MACF1: variants seen among roughly 807,000 people sequenced by gnomAD.
The protein encoded by MACF1 is microtubule actin crosslinking factor 1.
MACF1 carries 193 observed loss-of-function variants against 854.8 expected under a neutral mutation model. The ratio of observed to expected loss-of-function variants is 0.23; its 90% CI spans 0.20 to 0.25. MACF1 has a LOEUF of 0.25. Ranked by LOEUF, MACF1 falls within the 10% of genes least tolerant of loss-of-function variation. The probability of loss-of-function intolerance (pLI) is 1.00; values close to 1 mark genes in which losing one functional copy is unlikely to be tolerated. For synonymous variants in MACF1, 3,185 were observed against 3,226.7 expected (o/e 0.99, Z 0.44); for missense variants, 7,722 against 8,929.1 (o/e 0.86, Z 5.45).
intron 95 of MACF1, among the ~76,000 whole-genome samples, chr1:39,465,331 G>A (rs1644643579): frequency 6.6e-6 from 1 of 152,192 alleles, no homozygotes; most frequent in South Asian, 2.1e-4. Context: ...AGATGAAATG[G>A]AGGAAAGTGA....
At chr1:39,456,630 C>T in intron 89 of MACF1, 1 of 152,328 alleles carries the variant, frequency 6.6e-6, no homozygotes. Flanking sequence ...TCTTCCTATT[C>T]AGTTCTTCTC....
chr1:39,296,772 AAAAG>A (rs759746603), intron 20 of MACF1, among the ~76,000 whole-genome samples: 25 of 58,234 alleles, frequency 4.3e-4, no homozygotes, highest in African/African-American at 1.5e-3. Context: ...GGAAGGAAGG[AAAAG>A]AAAGAAAGAA....
intron 43 of MACF1, among the ~76,000 whole-genome samples, chr1:39,351,256 C>G (rs991876141): frequency 6.6e-6 from 1 of 152,102 alleles, no homozygotes; most frequent in East Asian, 1.9e-4. Context: ...AAGTGATTCT[C>G]CTGCCTCAGC....
intron 2 of MACF1, among the ~76,000 whole-genome samples, chr1:39,137,097 G>A (rs1453749633): frequency 6.6e-6 from 1 of 151,940 alleles, no homozygotes; most frequent in Non-Finnish European, 1.5e-5. Context: ...TTGAGACAGA[G>A]CCCCCTCTGT....
intron 71 of MACF1, among the ~76,000 whole-genome samples, chr1:39,438,446 C>T (rs1644027679): frequency 6.6e-6 from 1 of 152,144 alleles, no homozygotes. Flanking sequence ...TTCTGTGATC[C>T]CTGTATGTGG....
chr1:39,224,717 C>T (rs1403977635), intron 1 of MACF1, among the ~76,000 whole-genome samples: 1 of 152,016 alleles, frequency 6.6e-6, no homozygotes, highest in African/African-American at 2.4e-5. Flanking sequence ...GATTAAGTTT[C>T]CTATGGAGAA....
At chr1:39,227,300 C>G (rs1291849728) in intron 1 of MACF1, among the ~76,000 whole-genome samples, 1 of 152,076 alleles carries the variant, frequency 6.6e-6, no homozygotes, top group Non-Finnish European at 1.5e-5. Context: ...TACCAATCTT[C>G]TAATCATACT....
At chr1:39,483,978 C>T (rs1489947140) in intron 99 of MACF1, among the ~76,000 whole-genome samples, 5 of 152,066 alleles carry the variant, frequency 3.3e-5, no homozygotes, top group South Asian at 4.1e-4. Flanking sequence ...GGTGAAACCC[C>T]GTCTCCACTA....
At chr1:39,363,805 G>A (rs1279039373) in intron 49 of MACF1, among the ~76,000 whole-genome samples, 4 of 151,900 alleles carry the variant, frequency 2.6e-5, no homozygotes, top group African/African-American at 9.7e-5. Flanking sequence ...AGTAGAGATG[G>A]GGTTTCACCA....
intron 22 of MACF1, among the ~76,000 whole-genome samples, chr1:39,301,934 C>T (rs1161384535): frequency 6.6e-6 from 1 of 152,110 alleles, no homozygotes; most frequent in Non-Finnish European, 1.5e-5. Flanking sequence ...CATACACCAC[C>T]AGAATATGTG....
intron 2 of MACF1, among the ~76,000 whole-genome samples, chr1:39,162,915 T>C (rs920088404): frequency 2.0e-5 from 3 of 152,178 alleles, no homozygotes; most frequent in Non-Finnish European, 2.9e-5. Context: ...TGAATTGAAC[T>C]AAACTCATAT....
intron 78 of MACF1, 136 bp from the exon 79 acceptor site, chr1:39,443,310 C>G (rs949634486): frequency 1.7e-5 from 14 of 819,738 alleles, no homozygotes; most frequent in Admixed American, 5.6e-5. Context: ...CCATGCTAAT[C>G]TAGCAACAGA....
In MACF1 at chr1:39,454,972, A is replaced by G. The variant is rs745750596; in HGVS notation, c.20950A>G (p.Asn6984Asp). Reference protein sequence around the residue: ...LETALSELVANAELLEELLAW... With the variant: ...LETALSELVADAELLEELLAW... Reference sequence around the variant, plus strand: ...AACGGCCTTGTCAGAACTGGTGGCTAATGCTGAGCTCCTGGAAGAACTTCT... The same window carrying G: ...AACGGCCTTGTCAGAACTGGTGGCTGATGCTGAGCTCCTGGAAGAACTTCT... The change falls in exon 89 of 101, where the codon AAT becomes GAT. Residue 6984 changes from asparagine (N) to aspartate (D), a missense_variant. By Grantham distance (23) the Asn-to-Asp change is conservative. Transcript: ENST00000564288. The G allele has an allele frequency of 3.1e-5, 50 of 1,614,112 alleles. No individual in the cohort carries two copies. Among genetic ancestry groups the G allele is most frequent in the Non-Finnish European group, 4.1e-5 (48 of 1,179,998 alleles).
intron 2 of MACF1, among the ~76,000 whole-genome samples, chr1:39,111,250 T>C (rs1642395214): frequency 6.6e-6 from 1 of 152,186 alleles, no homozygotes; most frequent in African/African-American, 2.4e-5. Flanking sequence ...CAGAGTGCAG[T>C]TGATACCATT....
At chr1:39,198,125 T>C (rs896821100) in intron 2 of MACF1, among the ~76,000 whole-genome samples, 9 of 151,132 alleles carry the variant, frequency 6.0e-5, no homozygotes. Flanking sequence ...TTGAGCCCGG[T>C]AGTTTGAGGC....
At chr1:39,179,317 A>C (rs908407403) in intron 2 of MACF1, among the ~76,000 whole-genome samples, 1 of 152,174 alleles carries the variant, frequency 6.6e-6, no homozygotes, top group Non-Finnish European at 1.5e-5. Context: ...GCCCTTCTGC[A>C]TCTTCTGTTT....
At position 39,303,062 on chromosome 1, in the gene MACF1, A is replaced by G. The variant is rs1406823216; in HGVS notation, c.2773A>G (p.Ile925Val). The stretch of plus-strand genomic sequence containing the variant: ...CATCCCCCCACCCAATAAGGATGCC[A>G]TTGAGATGGCCAGCAGGTAACTTGG... ...FLIPPPNKDA[I>V]EMASRVEQSY... The change falls in exon 23 of 101, where the codon ATT becomes GTT. Residue 925 changes from isoleucine to valine, a missense_variant. Around this residue, in one of 15 missense-constraint regions of MACF1, gnomAD observed 1,137 missense variants for 1,263.0 expected, o/e 0.90. Transcript: ENST00000564288. 3 of 1,613,952 alleles carry G rather than the reference A, an allele frequency of 1.9e-6. No individual in the cohort carries two copies. Among genetic ancestry groups the G allele is most frequent in the East Asian group, 2.2e-5 (1 of 44,868 alleles).
chr1:39,376,616 A>G (rs1343267716), intron 52 of MACF1, among the ~76,000 whole-genome samples: 1 of 152,080 alleles, frequency 6.6e-6, no homozygotes, highest in Non-Finnish European at 1.5e-5. Context: ...GCATCACCAC[A>G]CTGCAATGGA....
chr1:39,414,116 C>T (rs1643175458), intron 58 of MACF1: 3 of 1,608,002 alleles, frequency 1.9e-6, no homozygotes, highest in South Asian at 2.2e-5. Context: ...GCCTCCCCAG[C>T]AGCTGCAGTG....
Sources: gnomAD v4.1 joint callset for allele counts (sites outside exome capture counted in the v4.1 genomes callset) on GRCh38, gnomAD v4.1.1 for gene constraint, gnomAD v4.1.1 regional missense constraint, MANE v1.5 for transcripts, NCBI Gene and HGNC (gene_info 2026-07-23, HGNC 2026-07-21) for gene names.